RAVER2: variants seen among roughly 807,000 people sequenced by gnomAD.
RAVER2 encodes ribonucleoprotein, PTB binding 2.
Under a neutral mutation model 78.1 loss-of-function variants are expected in RAVER2, and 46 were observed. The observed-to-expected ratio is 0.59, with a 90% CI of 0.46 to 0.75. RAVER2 has a LOEUF of 0.75. Among genes scored for constraint, RAVER2 ranks in the 30% least tolerant of loss-of-function variants. The pLI, the probability that RAVER2 is intolerant of heterozygous loss-of-function variation, is 0.00. For missense variants in RAVER2, 793 were observed against 837.5 expected, an observed-to-expected ratio of 0.95 and a Z score of 0.66; for synonymous variants, 311 against 313.3, an observed-to-expected ratio of 0.99 and a Z score of 0.08.
chr1:64,814,630 TTAAAA>T, intron 10 of RAVER2, 69 bp from the exon 11 acceptor site: 1 of 817,480 alleles, frequency 1.2e-6, no homozygotes, highest in Non-Finnish European at 1.6e-6. Flanking sequence ...AATAATTTAT[TTAAAA>T]TAACCTAAAT....
intron 1 of RAVER2, among the ~76,000 whole-genome samples, chr1:64,755,378 A>C (rs1305950013): frequency 6.6e-6 from 1 of 152,134 alleles, no homozygotes; most frequent in Non-Finnish European, 1.5e-5. Flanking sequence ...CCCTATGTTA[A>C]GGCATTTTCT....
chr1:64,802,829 A>G (rs1653305192), intron 5 of RAVER2, 147 bp from the exon 6 acceptor site: 1 of 475,012 alleles, frequency 2.1e-6, no homozygotes, highest in South Asian at 4.4e-5. Flanking sequence ...ATCACTTTTG[A>G]CCAATGACAA....
At chr1:64,797,861 A>G (rs908599895) in intron 5 of RAVER2, among the ~76,000 whole-genome samples, 4 of 151,818 alleles carry the variant, frequency 2.6e-5, no homozygotes, top group African/African-American at 9.7e-5. Context: ...TGATATTTGC[A>G]GTATTACTAC....
intron 1 of RAVER2, among the ~76,000 whole-genome samples, chr1:64,753,464 T>C (rs1051540338): frequency 7.9e-5 from 12 of 151,966 alleles, no homozygotes; most frequent in African/African-American, 2.9e-4. Context: ...GTGTAATATA[T>C]ACAATGTATT....
At chr1:64,768,878 G>A (rs982313676) in intron 2 of RAVER2, among the ~76,000 whole-genome samples, 156 bp downstream of exon 2, 3 of 151,888 alleles carry the variant, frequency 2.0e-5, no homozygotes, top group Non-Finnish European at 4.4e-5. Context: ...TTTTCTGAAG[G>A]TAATATTGGT....
chr1:64,792,652 T>C (rs1281151508), intron 5 of RAVER2, among the ~76,000 whole-genome samples: 1 of 152,210 alleles, frequency 6.6e-6, no homozygotes, highest in Non-Finnish European at 1.5e-5. Flanking sequence ...GCAGAAGTTA[T>C]TTCATAAGCA....
intron 2 of RAVER2, among the ~76,000 whole-genome samples, chr1:64,771,602 C>CA (rs1652321796): frequency 6.6e-6 from 1 of 151,842 alleles, no homozygotes; most frequent in African/African-American, 2.4e-5. Context: ...AGATTTGTAA[C>CA]ACATGTAGAA....
chr1:64,770,643 T>C (rs1652290563), intron 2 of RAVER2, among the ~76,000 whole-genome samples: 1 of 151,976 alleles, frequency 6.6e-6, no homozygotes, highest in Non-Finnish European at 1.5e-5. Context: ...TTGACACAGA[T>C]GAATTAATAA....
chr1:64,813,311 G>A (rs1653672196), intron 10 of RAVER2, among the ~76,000 whole-genome samples: 1 of 152,182 alleles, frequency 6.6e-6, no homozygotes. Context: ...TAAATAGTGG[G>A]AAAACTGGAA....
intron 7 of RAVER2, 49 bp from the exon 8 acceptor site, chr1:64,804,942 A>G: frequency 6.4e-7 from 1 of 1,565,710 alleles, no homozygotes; most frequent in Non-Finnish European, 8.7e-7. Context: ...AGCTTTTTTT[A>G]GGTTATATCT....
At chr1:64,821,478 CA>C (rs1405600790) in intron 11 of RAVER2, among the ~76,000 whole-genome samples, 2 of 152,058 alleles carry the variant, frequency 1.3e-5, no homozygotes, top group African/African-American at 4.8e-5. Flanking sequence ...TTCCTATGTC[CA>C]AGGAACCATA....
chr1:64,790,328 C>T (rs995004155), intron 5 of RAVER2, among the ~76,000 whole-genome samples: 1 of 152,182 alleles, frequency 6.6e-6, no homozygotes, highest in Non-Finnish European at 1.5e-5. Context: ...TGAATTACCC[C>T]TCTGTCCAGT....
intron 5 of RAVER2, among the ~76,000 whole-genome samples, chr1:64,798,086 A>T (rs1653149308): frequency 1.2e-5 from 1 of 80,118 alleles, no homozygotes; most frequent in Non-Finnish European, 2.2e-5. Context: ...CCCCCACCCC[A>T]CCACAGTCCC....
At chr1:64,813,429 G>GT (rs1653674818) in intron 10 of RAVER2, among the ~76,000 whole-genome samples, 1 of 152,072 alleles carries the variant, frequency 6.6e-6, no homozygotes, top group African/African-American at 2.4e-5. Context: ...ATACTGATAT[G>GT]AGATGAACTC....
chr1:64,795,995 G>A (rs1385860302), intron 5 of RAVER2, among the ~76,000 whole-genome samples: 6 of 151,712 alleles, frequency 4.0e-5, no homozygotes, highest in South Asian at 4.1e-4. Context: ...CCGAATTTTA[G>A]CATGATGGTT....
chr1:64,805,162 A>T, intron 8 of RAVER2, 57 bp downstream of exon 8: 1 of 1,462,588 alleles, frequency 6.8e-7, no homozygotes, highest in Non-Finnish European at 9.5e-7. Flanking sequence ...AGATTTAAAG[A>T]TAGTTTACCT....
chr1:64,820,183 C>T (rs1653851836), intron 11 of RAVER2, among the ~76,000 whole-genome samples: 1 of 151,328 alleles, frequency 6.6e-6, no homozygotes. Context: ...ATACAGCAAC[C>T]ATTAAAAAAT....
intron 1 of RAVER2, among the ~76,000 whole-genome samples, chr1:64,759,289 G>A (rs535768555): frequency 6.6e-6 from 1 of 151,680 alleles, no homozygotes; most frequent in South Asian, 2.1e-4. Context: ...GCGCGATCTT[G>A]GCTAAGTGCA....
chr1:64,749,686 G>A (rs1411804835), intron 1 of RAVER2, among the ~76,000 whole-genome samples: 1 of 152,204 alleles, frequency 6.6e-6, no homozygotes, highest in East Asian at 1.9e-4. Context: ...ATAGTCAATA[G>A]TAATGTTGCA....
Sources: gnomAD v4.1 joint callset for allele counts (sites outside exome capture counted in the v4.1 genomes callset) on GRCh38, gnomAD v4.1.1 for gene constraint, MANE v1.5 for transcripts, NCBI Gene and HGNC (gene_info 2026-07-23, HGNC 2026-07-21) for gene names.